The following PLEKHM3 variants were observed in gnomAD, a reference collection of about 807,000 sequenced individuals.
The protein encoded by PLEKHM3 is pleckstrin homology domain-containing family M member 3.
A neutral mutation model predicts 81.8 loss-of-function variants in PLEKHM3; 45 were observed. That is an observed-to-expected ratio of 0.55 (90% CI 0.43 to 0.71). The LOEUF (loss-of-function observed/expected upper bound fraction) is 0.71. Ranked by LOEUF, PLEKHM3 falls within the 30% of genes least tolerant of loss-of-function variation. The probability of loss-of-function intolerance (pLI) is 0.00; values close to 1 mark genes in which losing one functional copy is unlikely to be tolerated. For synonymous variants in PLEKHM3, 352 were observed against 356.4 expected, an observed-to-expected ratio of 0.99 and a Z score of 0.14; for missense variants, 788 against 924.3, an observed-to-expected ratio of 0.85 and a Z score of 1.91.
At position 207,861,276 on chromosome 2, in the gene PLEKHM3, A is replaced by G. The variant is rs776892534; in HGVS notation, c.1951-14T>C. 19 of 1,613,344 alleles carry G rather than the reference A, an allele frequency of 1.2e-5. No homozygotes were observed. In the Admixed American group the frequency reaches 1.3e-4, roughly 11 times the overall value. ...TCCCTCTATTACCTGCAGAAAGAGAAATGGGACAGGGAAGCACATTTATTG... is the reference window on the plus strand; with the variant it reads ...TCCCTCTATTACCTGCAGAAAGAGAGATGGGACAGGGAAGCACATTTATTG... On this transcript the variant is annotated splice_polypyrimidine_tract_variant and intron_variant, in intron 6 of 7. Coordinates refer to ENST00000427836, the MANE Select transcript of PLEKHM3 (RefSeq NM_001080475.3).
intron 4 of PLEKHM3, among the ~76,000 whole-genome samples, chr2:207,944,079 A>G (rs1482752325): frequency 6.6e-6 from 1 of 152,190 alleles, no homozygotes; most frequent in Non-Finnish European, 1.5e-5. Context: ...TAAGTGAGGG[A>G]GATGCCCAAT....
chr2:207,847,513 C>T (rs1438565968), intron 7 of PLEKHM3, among the ~76,000 whole-genome samples: 2 of 152,198 alleles, frequency 1.3e-5, no homozygotes, highest in Non-Finnish European at 2.9e-5. Flanking sequence ...GCCATGCACA[C>T]GACATGTGAG....
At chr2:207,860,447 A>C (rs1392208948) in intron 7 of PLEKHM3, among the ~76,000 whole-genome samples, 1 of 152,116 alleles carries the variant, frequency 6.6e-6, no homozygotes, top group Admixed American at 6.5e-5. Flanking sequence ...TTCATGCCCA[A>C]AGAGGCCAGT....
intron 1 of PLEKHM3, among the ~76,000 whole-genome samples, chr2:208,009,065 G>A (rs952279664): frequency 6.6e-6 from 1 of 152,108 alleles, no homozygotes; most frequent in Non-Finnish European, 1.5e-5. Context: ...TGCCTACTAT[G>A]GGGGGGACAC....
intron 3 of PLEKHM3, among the ~76,000 whole-genome samples, chr2:207,949,868 A>G (rs1690273680): frequency 6.6e-6 from 1 of 152,236 alleles, no homozygotes. Context: ...TTATCTGTCT[A>G]TAATTTTAAT....
intron 2 of PLEKHM3, among the ~76,000 whole-genome samples, chr2:207,991,603 G>GA (rs35817950): frequency 6.6e-6 from 1 of 151,878 alleles, no homozygotes; most frequent in South Asian, 2.1e-4. Flanking sequence ...GGAGCCTCTG[G>GA]AAAAAAAGAC....
intron 1 of PLEKHM3, among the ~76,000 whole-genome samples, chr2:208,006,110 T>G (rs1692485929): frequency 6.6e-6 from 1 of 152,210 alleles, no homozygotes; most frequent in Admixed American, 6.5e-5. Context: ...CCTTCTTACT[T>G]ATCTTCCTAA....
intron 4 of PLEKHM3, among the ~76,000 whole-genome samples, chr2:207,938,451 A>G (rs1412117511): frequency 6.6e-6 from 1 of 152,214 alleles, no homozygotes; most frequent in African/African-American, 2.4e-5. Flanking sequence ...ACTCTTTTAA[A>G]TGGCTATTCA....
At chr2:207,903,515 A>T (rs1320273165) in intron 6 of PLEKHM3, among the ~76,000 whole-genome samples, 1 of 152,246 alleles carries the variant, frequency 6.6e-6, no homozygotes, top group African/African-American at 2.4e-5. Context: ...AGAGTTAGTC[A>T]TTAATATACA....
chr2:207,881,644 G>A (rs151068889), intron 6 of PLEKHM3, among the ~76,000 whole-genome samples: 2 of 152,314 alleles, frequency 1.3e-5, no homozygotes, highest in African/African-American at 4.8e-5. Flanking sequence ...TTTAAAAATG[G>A]GAATTGGGGC....
At chr2:208,003,174 T>C (rs1692371217) in intron 1 of PLEKHM3, among the ~76,000 whole-genome samples, 2 of 152,332 alleles carry the variant, frequency 1.3e-5, no homozygotes, top group Middle Eastern at 3.4e-3. Flanking sequence ...AAGAGGAGTT[T>C]CCCTGCACAA....
In PLEKHM3 at chr2:207,859,687, G is replaced by T. The variant is rs561831368; in HGVS notation, c.2108+1418C>A. 1.5e-3 allele frequency among the ~76,000 whole-genome samples: 221 copies of T among 151,258 alleles called. 2 individuals are homozygous for T. The highest frequency in any genetic ancestry group is 5.1e-3 in the African/African-American group (208 of 41,170). ...ATCTCAGCTTACTATAGCCTCCACC[G>T]CCTGGGTTCAAGTGATTCTCCTGCC... On this transcript the variant is annotated intron_variant, in intron 7 of 7. Transcript: ENST00000427836.
chr2:207,837,937 AT>A (rs1449706145), intron 7 of PLEKHM3, among the ~76,000 whole-genome samples: 1 of 148,648 alleles, frequency 6.7e-6, no homozygotes, highest in Non-Finnish European at 1.5e-5. Context: ...CGCCCGGCTA[AT>A]TTTTTGTATT....
chr2:207,828,449 G>T lies in PLEKHM3; in HGVS notation c.2156C>A (p.Ser719Tyr). The stretch of plus-strand genomic sequence containing the variant: ...GCGAACACACCTCGGGCAGGGGACA[G>T]ACTTTTCTTTGCATTCAGAATGGAA... ...AVFHSECKEK[S>Y]VPCPRCVRRE... Residue 719 changes from serine (S) to tyrosine (Y), a missense_variant, in exon 8 of 8, where the codon TCT (serine) becomes TAT (tyrosine). By Grantham distance (144) the Ser-to-Tyr change is moderately radical. Transcript: ENST00000427836. 1 of 1,614,088 alleles carries T rather than the reference G, an allele frequency of 6.2e-7. No homozygotes were observed.
chr2:207,971,358 C>T (rs1691113861), intron 3 of PLEKHM3, among the ~76,000 whole-genome samples: 1 of 152,114 alleles, frequency 6.6e-6, no homozygotes. Flanking sequence ...TGTTCAATAG[C>T]ACTATAGGAT....
rs6729248 is a variant in PLEKHM3 at position 207,982,622 on chromosome 2, A to T, written c.611-5036T>A. Among the ~76,000 whole-genome samples the T allele has an allele frequency of 1.0e-3, 149 of 146,756 alleles. 1 individual carries two copies. The highest frequency in any genetic ancestry group is 3.5e-3 in the African/African-American group (137 of 39,320). ...AGACGAAGTCTTGCTCTTGTCCCACAGGCTGAAGTGTAATGGCACGATCTT... is the reference window on the plus strand; with the variant it reads ...AGACGAAGTCTTGCTCTTGTCCCACTGGCTGAAGTGTAATGGCACGATCTT... On this transcript the variant is annotated intron_variant, in intron 2 of 7. Coordinates refer to ENST00000427836, the MANE Select transcript of PLEKHM3 (RefSeq NM_001080475.3).
At chr2:207,935,506 G>C (rs903494018) in intron 4 of PLEKHM3, among the ~76,000 whole-genome samples, 1 of 152,198 alleles carries the variant, frequency 6.6e-6, no homozygotes, top group South Asian at 2.1e-4. Flanking sequence ...TTCCCATAAA[G>C]CTGGCCTAGC....
chr2:207,898,792 A>G (rs1688327819), intron 6 of PLEKHM3, among the ~76,000 whole-genome samples: 1 of 152,058 alleles, frequency 6.6e-6, no homozygotes, highest in South Asian at 2.1e-4. Flanking sequence ...GCTACCTGGG[A>G]GGCTGAGATG....
intron 4 of PLEKHM3, among the ~76,000 whole-genome samples, chr2:207,937,636 AAATAT>A (rs1203848734): frequency 6.6e-6 from 1 of 152,162 alleles, no homozygotes; most frequent in Non-Finnish European, 1.5e-5. Context: ...TTCTTAAATA[AAATAT>A]GACAGTTAAA....
Sources: allele counts gnomAD v4.1 joint callset (sites outside exome capture counted in the v4.1 genomes callset), GRCh38; gene constraint gnomAD v4.1.1; transcripts MANE v1.5; gene names NCBI Gene and HGNC (gene_info 2026-07-23, HGNC 2026-07-21).